APP: variants seen among roughly 807,000 people sequenced by gnomAD.
APP encodes amyloid-beta precursor protein.
APP carries 31 observed loss-of-function variants against 101.4 expected under a neutral mutation model. That is an observed-to-expected ratio of 0.31 (90% CI 0.23 to 0.41). APP has a LOEUF of 0.41. Ranked by LOEUF, APP falls within the 10% of genes least tolerant of loss-of-function variation. The probability of loss-of-function intolerance (pLI) is 1.00; values close to 1 mark genes in which losing one functional copy is unlikely to be tolerated. For synonymous variants in APP, 366 were observed against 364.4 expected (o/e 1.00, Z -0.05); for missense variants, 839 against 1,003.7 (o/e 0.84, Z 2.22).
At chr21:25,887,611 A>G (rs1366229135) in intron 17 of APP, among the ~76,000 whole-genome samples, 4 of 152,120 alleles carry the variant, frequency 2.6e-5, no homozygotes, top group Admixed American at 2.6e-4. Context: ...TGGGCCACAT[A>G]ATGACATTTT....
chr21:26,080,055 C>A (rs1404318049), intron 3 of APP, among the ~76,000 whole-genome samples: 2 of 149,390 alleles, frequency 1.3e-5, no homozygotes, highest in Admixed American at 1.3e-4. Context: ...ACCCGGGAGG[C>A]AGAGGTTGCA....
chr21:26,105,616 G>A (rs2146183356), intron 2 of APP, among the ~76,000 whole-genome samples: 1 of 152,008 alleles, frequency 6.6e-6, no homozygotes, highest in South Asian at 2.1e-4. Flanking sequence ...AATTATAAAA[G>A]AAAAACACCA....
At chr21:25,951,129 T>A (rs1470093451) in intron 13 of APP, among the ~76,000 whole-genome samples, 1 of 9,252 alleles carries the variant, frequency 1.1e-4, no homozygotes, top group Admixed American at 1.8e-3. Flanking sequence ...GGAAGCACAA[T>A]GGAAGATACA....
chr21:26,095,092 C>T (rs933731527), intron 2 of APP, among the ~76,000 whole-genome samples: 8 of 152,224 alleles, frequency 5.3e-5, no homozygotes, highest in African/African-American at 1.9e-4. Flanking sequence ...GATCCACCCG[C>T]CTTGGCCTCC....
intron 5 of APP, among the ~76,000 whole-genome samples, chr21:26,039,924 G>A (rs1390260578): frequency 6.6e-6 from 1 of 152,050 alleles, no homozygotes; most frequent in Non-Finnish European, 1.5e-5. Flanking sequence ...ATCAATTTGA[G>A]CTACTGTATT....
At chr21:25,900,362 G>C (rs1474846257) in intron 15 of APP, among the ~76,000 whole-genome samples, 1 of 100,392 alleles carries the variant, frequency 1.0e-5, no homozygotes, top group Non-Finnish European at 1.8e-5. Context: ...GTGAAACCCT[G>C]TCTCTACTAA....
At chr21:26,047,783 A>C (rs2045670458) in intron 5 of APP, among the ~76,000 whole-genome samples, 1 of 152,242 alleles carries the variant, frequency 6.6e-6, no homozygotes, top group Non-Finnish European at 1.5e-5. Flanking sequence ...AGTAGTCACC[A>C]GCCACATGTA....
At chr21:26,077,128 CCTT>C (rs2061512954) in intron 3 of APP, among the ~76,000 whole-genome samples, 1 of 151,388 alleles carries the variant, frequency 6.6e-6, no homozygotes, top group Non-Finnish European at 1.5e-5. Context: ...TGTCTGGAAA[CCTT>C]AAACTCAACT....
At chr21:26,101,891 C>T (rs1378442881) in intron 2 of APP, among the ~76,000 whole-genome samples, 1 of 151,964 alleles carries the variant, frequency 6.6e-6, no homozygotes, top group African/African-American at 2.4e-5. Flanking sequence ...TTATAAGGTC[C>T]TTATGGGCCA....
chr21:25,891,768 A>C lies in APP; in HGVS notation c.2165T>G (p.Met722Arg). The C allele has an allele frequency of 6.2e-7, 1 of 1,614,222 alleles. No homozygotes were observed. Among genetic ancestry groups the C allele is most frequent in the Non-Finnish European group, 8.5e-7 (1 of 1,180,020 alleles). The change falls in exon 17 of 18, where the codon ATG (methionine) becomes AGG (arginine). Residue 722 changes from methionine (M) to arginine (R), a missense_variant. Transcript: ENST00000346798. The stretch of plus-strand genomic sequence containing the variant: ...GGATGTGTACTGTTTCTTCTTCAGC[A>C]TCACCAAGGTGATGACGATCACTGT... ...IATVIVITLV[M>R]LKKKQYTSIH... is the part of the protein sequence containing the mutation.
chr21:26,124,423 C>A (rs1387816423), intron 1 of APP, among the ~76,000 whole-genome samples: 1 of 152,180 alleles, frequency 6.6e-6, no homozygotes, highest in Non-Finnish European at 1.5e-5. Flanking sequence ...CAATAAATTT[C>A]AATGTTAATT....
At chr21:25,981,218 G>A (rs1184738268) in intron 9 of APP, among the ~76,000 whole-genome samples, 2 of 152,184 alleles carry the variant, frequency 1.3e-5, no homozygotes, top group African/African-American at 2.4e-5. Context: ...AAGATTAATT[G>A]TCTACTAAAG....
intron 1 of APP, among the ~76,000 whole-genome samples, chr21:26,136,684 T>C (rs1021323987): frequency 1.3e-5 from 2 of 152,122 alleles, no homozygotes; most frequent in Non-Finnish European, 2.9e-5. Flanking sequence ...TCCTTGTATC[T>C]GAGCTTTGAG....
At chr21:25,977,587 A>G (rs777671547) in intron 9 of APP, among the ~76,000 whole-genome samples, 1 of 152,214 alleles carries the variant, frequency 6.6e-6, no homozygotes, top group Non-Finnish European at 1.5e-5. Context: ...TACAGATTTT[A>G]TTGTCCATTG....
At chr21:26,090,737 CT>C (rs1414428484) in intron 2 of APP, among the ~76,000 whole-genome samples, 2 of 152,184 alleles carry the variant, frequency 1.3e-5, no homozygotes, top group African/African-American at 2.4e-5. Context: ...CAACCTCCCC[CT>C]ATCTCTCACT....
intron 6 of APP, among the ~76,000 whole-genome samples, chr21:26,005,345 C>T (rs370351588): frequency 2.6e-5 from 4 of 152,076 alleles, no homozygotes; most frequent in African/African-American, 4.8e-5. Flanking sequence ...ACCTGGGAAG[C>T]GTACATTGCA....
intron 13 of APP, among the ~76,000 whole-genome samples, chr21:25,948,311 CA>C (rs1187145414): frequency 9.9e-5 from 15 of 152,086 alleles, no homozygotes; most frequent in South Asian, 2.1e-4. Context: ...ACTAAACCCC[CA>C]AATCAACAGG....
At chr21:26,033,116 G>T (rs574334977) in intron 5 of APP, among the ~76,000 whole-genome samples, 1 of 152,312 alleles carries the variant, frequency 6.6e-6, no homozygotes, top group Non-Finnish European at 1.5e-5. Context: ...ACCCGTAGCA[G>T]ATGAAGAGTG....
At chr21:25,980,241 A>C (rs1362888158) in intron 9 of APP, among the ~76,000 whole-genome samples, 1 of 152,210 alleles carries the variant, frequency 6.6e-6, no homozygotes, top group Admixed American at 6.5e-5. Context: ...TGAAAATGAC[A>C]AGCTGAGCAT....
Sources: allele counts gnomAD v4.1 joint callset (sites outside exome capture counted in the v4.1 genomes callset), GRCh38; gene constraint gnomAD v4.1.1; transcripts MANE v1.5; gene names NCBI Gene and HGNC (gene_info 2026-07-23, HGNC 2026-07-21).